Variants in PLEKHN1 observed in about 807,000 individuals in gnomAD.
PLEKHN1 encodes pleckstrin homology domain containing N1, also known as pleckstrin homology domain-containing family N member 1.
In PLEKHN1, 68 loss-of-function variants were observed where a neutral mutation model predicts 72.8. That is an observed-to-expected ratio of 0.93 (90% CI 0.77 to 1.14). PLEKHN1 has a LOEUF of 1.14. Among genes scored for constraint, PLEKHN1 ranks in the 50% most tolerant of loss-of-function variants. PLEKHN1 has a pLI of 0.00. For missense variants in PLEKHN1, 1,015 were observed against 840.5 expected (o/e 1.21, Z -2.57); for synonymous variants, 454 against 371.6 (o/e 1.22, Z -2.55).
Position 975,855 on chromosome 1 carries a change from C to T in PLEKHN1, c.*1280C>T, listed in dbSNP as rs1238646172. The T allele has an allele frequency of 4.4e-5, 15 of 341,650 alleles. No individual in the cohort carries two copies. The highest frequency in any genetic ancestry group is 5.8e-5 in the South Asian group (1 of 17,168). The allele number at this position is 341,650 out of a possible 1,614,324, so 21.2% of individuals were successfully genotyped here. ...AAACAACAACTTCTTAGTAAAATGA[C>T]CTCCCCACTATTGCCTGTCTGAAAT... On this transcript the variant is annotated 3_prime_UTR_variant, in exon 16 of 16. Coordinates refer to ENST00000379410, the MANE Select transcript of PLEKHN1 (RefSeq NM_032129.3).
Position 970,267 on chromosome 1 carries a change from C to G in PLEKHN1, c.184-10C>G. On this transcript the variant is annotated splice_polypyrimidine_tract_variant and intron_variant, in intron 2 of 15. Transcript: ENST00000379410. The surrounding 1 kb of genome is among the most constrained non-coding windows in gnomAD (Gnocchi z 4.2). Reference sequence around the variant, plus strand: ...GGGAGGCCCCCTCCCCTGAGCTCTACTCCTCCTAGGACATCCTGGACCTGG... The same window carrying G: ...GGGAGGCCCCCTCCCCTGAGCTCTAGTCCTCCTAGGACATCCTGGACCTGG... 6.2e-7 allele frequency: 1 copy of G among 1,612,318 alleles called. No homozygotes were observed. Among genetic ancestry groups the G allele is most frequent in the Non-Finnish European group, 8.5e-7 (1 of 1,179,566 alleles).
intron 2 of PLEKHN1, among the ~76,000 whole-genome samples, chr1:967,777 T>G (rs1260687329): frequency 6.6e-6 from 1 of 152,168 alleles, no homozygotes; most frequent in African/African-American, 2.4e-5. Context: ...CGGGCTGGGT[T>G]AGGGGTGGGG....
chr1:969,248 G>A (rs28562326), intron 2 of PLEKHN1, among the ~76,000 whole-genome samples: 6,134 of 152,296 alleles, frequency 0.04, 297 homozygotes, highest in East Asian at 0.14. Context: ...GAATGAAGAT[G>A]GGTTTAATCC....
intron 8 of PLEKHN1, 32 bp from the exon 9 acceptor site, chr1:972,043 C>T: frequency 6.2e-7 from 1 of 1,603,486 alleles, no homozygotes; most frequent in Non-Finnish European, 8.5e-7. Flanking sequence ...GCTGCCCCTA[C>T]AAAGGCCTGG....
intron 10 of PLEKHN1, 85 bp from the exon 11 acceptor site, chr1:972,776 A>C: frequency 7.1e-7 from 1 of 1,404,896 alleles, no homozygotes; most frequent in South Asian, 1.5e-5. Flanking sequence ...AAAAAGATAA[A>C]AGGGGGGACA....
chr1:972,818 A>AG (rs1643409648), intron 10 of PLEKHN1, 43 bp from the exon 11 acceptor site: 1 of 1,222,626 alleles, frequency 8.2e-7, no homozygotes, highest in Non-Finnish European at 1.1e-6. Flanking sequence ...GCGGGTGGGG[A>AG]GGGGGTCCAG....
rs376001470 is a variant in PLEKHN1, at chr1:973,491, G to A, written c.1294-9G>A. On this transcript the variant is annotated splice_polypyrimidine_tract_variant and intron_variant, in intron 12 of 15. Coordinates refer to ENST00000379410, the MANE Select transcript of PLEKHN1 (RefSeq NM_032129.3). Reference sequence around the variant, plus strand: ...CGAGAAGCCCATTTCTCCCACCTCTGCCCTGCAGCTGCACAGGCTGAGCCT... The same window carrying A: ...CGAGAAGCCCATTTCTCCCACCTCTACCCTGCAGCTGCACAGGCTGAGCCT... 5.0e-6 allele frequency: 8 copies of A among 1,612,116 alleles called. No homozygotes were observed. In the African/African-American group the frequency reaches 8.0e-5, roughly 16 times the overall value.
chr1:971,721 T>C (rs1245120252), intron 8 of PLEKHN1, among the ~76,000 whole-genome samples: 2 of 152,124 alleles, frequency 1.3e-5, no homozygotes, highest in Non-Finnish European at 2.9e-5. Flanking sequence ...TGTGCGTGTG[T>C]CCTCCAGGGC....
intron 2 of PLEKHN1, 112 bp downstream of exon 2, chr1:966,915 C>T (rs1643021877): frequency 2.5e-6 from 3 of 1,198,078 alleles, no homozygotes; most frequent in Non-Finnish European, 3.4e-6. Flanking sequence ...GGCGTTCAGA[C>T]CCCGGTAGGT....
intron 8 of PLEKHN1, 152 bp downstream of exon 8, chr1:971,556 C>A: frequency 1.4e-6 from 1 of 725,912 alleles, no homozygotes; most frequent in South Asian, 1.7e-5. Flanking sequence ...TCAGTCTGGT[C>A]TCCGCTGTGA....
Position 974,552 on chromosome 1 carries a change from G to A in PLEKHN1, c.1813G>A (p.Gly605Arg). 5.0e-6 allele frequency: 8 copies of A among 1,612,038 alleles called. No homozygotes were observed. Among genetic ancestry groups the A allele is most frequent in the Non-Finnish European group, 6.8e-6 (8 of 1,179,696 alleles). The change falls in exon 16 of 16, where the codon GGG (glycine) becomes AGG (arginine). Residue 605 changes from glycine (G) to arginine (R), a missense_variant. By Grantham distance (125) the Gly-to-Arg change is moderately radical (BLOSUM62 -2). Coordinates refer to ENST00000379410, the MANE Select transcript of PLEKHN1 (RefSeq NM_032129.3). ...CCAGCTTGGAGGGCCTGAGGCCAGT[G>A]GGGGGCTTGTGCAGTGGATCTGATG... ...CPQLGGPEASGGLVQWI is the reference protein window; with the variant it reads ...CPQLGGPEASRGLVQWI
intron 2 of PLEKHN1, among the ~76,000 whole-genome samples, chr1:969,464 T>C (rs1008617323): frequency 1.3e-5 from 2 of 152,044 alleles, no homozygotes; most frequent in Non-Finnish European, 2.9e-5. Flanking sequence ...TGTATGCATG[T>C]ATGCAGTGTG....
chr1:974,180 G>A (rs1017275918), intron 14 of PLEKHN1, 129 bp downstream of exon 14: 4 of 1,499,804 alleles, frequency 2.7e-6, no homozygotes, highest in Non-Finnish European at 3.7e-6. Context: ...AGGCCAGGGG[G>A]GCCAGTAGGG....
In PLEKHN1 at chr1:974,392, G is replaced by A. The variant is rs1407624748; in HGVS notation, c.1702+28G>A. 2.5e-6 allele frequency: 4 copies of A among 1,612,834 alleles called. No individual in the cohort carries two copies. The East Asian group carries it at 6.7e-5, about 27-fold the overall frequency. ...GAGTAAGGATCCTGCCTCCTGAGGTGAGTGCCTGTTGCCTCCCACAGGCTG... is the reference window on the plus strand; with the variant it reads ...GAGTAAGGATCCTGCCTCCTGAGGTAAGTGCCTGTTGCCTCCCACAGGCTG... On this transcript the variant is annotated intron_variant, in intron 15 of 15. Coordinates refer to ENST00000379410, the MANE Select transcript of PLEKHN1 (RefSeq NM_032129.3).
rs753706596 is a variant in PLEKHN1, at chr1:970,821, G to T, written c.485-58G>T. ...TGACCCAGGACTTGGAGAGGGGCCT[G>T]CCCTGTGGCTGCGGAGCACGTGTGT... On this transcript the variant is annotated intron_variant, in intron 5 of 15. Coordinates refer to ENST00000379410, the MANE Select transcript of PLEKHN1 (RefSeq NM_032129.3). This position sits in a 1 kb window ranked among gnomAD's most constrained non-coding sequence, Gnocchi z 4.2. 1.9e-5 allele frequency: 30 copies of T among 1,612,672 alleles called. 1 individual carries two copies. The South Asian group carries it at 3.0e-4, about 16-fold the overall frequency.
rs61732689 is a variant in PLEKHN1, at chr1:972,943, G to C, written c.1085G>C (p.Arg362Pro). 2 of 1,566,600 alleles carry C rather than the reference G, an allele frequency of 1.3e-6. No homozygotes were observed. The highest frequency in any genetic ancestry group is 2.3e-5 in the South Asian group (2 of 85,950). Residue 362 changes from arginine to proline, a missense_variant, in exon 11 of 16, where the codon CGC (arginine) becomes CCC (proline). Physicochemically the swap from Arg to Pro is moderately radical, Grantham distance 103 (BLOSUM62 -2). Coordinates refer to ENST00000379410, the MANE Select transcript of PLEKHN1 (RefSeq NM_032129.3). ...GGGTGCTTGGCGCCCCCCTCCACCCGCACCAGCCACTCCCTGCCTGAGTCC... is the reference window on the plus strand; with the variant it reads ...GGGTGCTTGGCGCCCCCCTCCACCCCCACCAGCCACTCCCTGCCTGAGTCC... ...DSGCLAPPST[R>P]TSHSLPESSV...
In PLEKHN1 at chr1:974,083, G is replaced by A. The variant is rs772609326; in HGVS notation, c.1653+32G>A. The A allele has an allele frequency of 4.3e-5, 66 of 1,544,698 alleles. 2 individuals are homozygous for A. The highest frequency in any genetic ancestry group is 1.7e-4 in the East Asian group (7 of 41,484). ...AGCAGCCCCCACGCCCGTGTGCCCC[G>A]GGCTCCGGGCTGGCCGGGGGTCTGG... On this transcript the variant is annotated intron_variant, in intron 14 of 15. Transcript: ENST00000379410.
At position 973,084 on chromosome 1, in the gene PLEKHN1, T is replaced by C. The variant is rs1057488002; in HGVS notation, c.1152+74T>C. 3 of 1,524,830 alleles carry C rather than the reference T, an allele frequency of 2.0e-6. No homozygotes were observed. The African/African-American group carries it at 4.1e-5, about 21-fold the overall frequency. 94.5% of individuals were successfully genotyped at this position (1,524,830 alleles called of 1,614,324 possible). On this transcript the variant is annotated intron_variant, in intron 11 of 15. Transcript: ENST00000379410. The stretch of plus-strand genomic sequence containing the variant: ...GTAGGTGTGTGTTGGGGACCCTGGT[T>C]CCTCAGGGGAACTCAGACTGGAGGG...
In PLEKHN1 at chr1:973,242, C is replaced by T. The variant is rs1643430942; in HGVS notation, c.1209C>T (p.Arg403=). ...GCCGACGGAGGACCGAGCTGAGACG[C>T]AGTGGCAGCAGCCGGTCACCCGGGA... The part of the protein sequence containing the change: ...SIGRRRTELR[R]SGSSRSPGSK... The change falls in exon 12 of 16, where the codon CGC becomes CGT. Residue 403 remains arginine, a synonymous_variant. Transcript: ENST00000379410. 6.5e-7 allele frequency: 1 copy of T among 1,542,910 alleles called. No homozygotes were observed. The highest frequency in any genetic ancestry group is 8.8e-7 in the Non-Finnish European group (1 of 1,141,060).
Sources: allele counts gnomAD v4.1 joint callset (sites outside exome capture counted in the v4.1 genomes callset), GRCh38; gene constraint gnomAD v4.1.1; non-coding constraint Gnocchi (gnomAD v3.1); transcripts MANE v1.5; gene names NCBI Gene and HGNC (gene_info 2026-07-23, HGNC 2026-07-21).